Variants in ST7L observed in about 807,000 individuals in gnomAD.
The protein encoded by ST7L is suppression of tumorigenicity 7 like, also known as suppressor of tumorigenicity 7 protein-like.
Under a neutral mutation model 72.5 loss-of-function variants are expected in ST7L, and 57 were observed. The ratio of observed to expected loss-of-function variants is 0.79; its 90% confidence interval spans 0.64 to 0.98. The LOEUF (loss-of-function observed/expected upper bound fraction) is 0.98. Among genes scored for constraint, ST7L ranks in the 50% least tolerant of loss-of-function variants. The probability of loss-of-function intolerance (pLI) is 0.00; values close to 1 mark genes in which losing one functional copy is unlikely to be tolerated. For missense variants in ST7L, 576 were observed against 672.2 expected, an observed-to-expected ratio of 0.86 and a Z score of 1.58; for synonymous variants, 221 against 240.9, an observed-to-expected ratio of 0.92 and a Z score of 0.77.
intron 1 of ST7L, chr1:112,618,114 C>T (rs879492187): frequency 3.9e-6 from 5 of 1,297,864 alleles, no homozygotes; most frequent in Non-Finnish European, 5.1e-6. Context: ...ATATCTTGTT[C>T]TGAGGTTGCT....
chr1:112,614,226 G>A (rs1669504503), intron 2 of ST7L, among the ~76,000 whole-genome samples: 1 of 135,282 alleles, frequency 7.4e-6, no homozygotes, highest in Non-Finnish European at 1.6e-5. Context: ...GCTTAATATT[G>A]ATAGTTTCTT....
intron 13 of ST7L, among the ~76,000 whole-genome samples, chr1:112,545,926 G>A (rs759571603): frequency 1.8e-4 from 28 of 152,228 alleles, no homozygotes; most frequent in Admixed American, 3.3e-4. Flanking sequence ...TATGAGGACC[G>A]CTGGCAATTT....
intron 14 of ST7L, chr1:112,528,346 T>A (rs1653796365): frequency 6.6e-6 from 1 of 152,162 alleles, no homozygotes; most frequent in Admixed American, 6.5e-5. Flanking sequence ...AGATCAGGGC[T>A]TAAATAATGT....
At chr1:112,549,517 G>C (rs983186773) in intron 13 of ST7L, among the ~76,000 whole-genome samples, 1 of 151,628 alleles carries the variant, frequency 6.6e-6, no homozygotes, top group Non-Finnish European at 1.5e-5. Context: ...AATTTCTTTC[G>C]TTAAATTTAT....
chr1:112,552,563 C>G (rs1658404224), intron 12 of ST7L, among the ~76,000 whole-genome samples: 1 of 152,116 alleles, frequency 6.6e-6, no homozygotes, highest in Non-Finnish European at 1.5e-5. Context: ...CGCCACTATG[C>G]CCGGCTAATT....
intron 10 of ST7L, among the ~76,000 whole-genome samples, chr1:112,577,929 G>T (rs1428267554): frequency 1.3e-5 from 2 of 152,146 alleles, no homozygotes; most frequent in African/African-American, 2.4e-5. Flanking sequence ...TATACTCTAA[G>T]AAGAGATAAC....
At chr1:112,540,096 T>A (rs1270362278) in intron 14 of ST7L, 1 of 985,312 alleles carries the variant, frequency 1.0e-6, no homozygotes, top group Non-Finnish European at 1.2e-6. Context: ...AGTGACTGCC[T>A]AGGTAAAGGC....
intron 7 of ST7L, among the ~76,000 whole-genome samples, 180 bp from the exon 8 acceptor site, chr1:112,582,652 G>T (rs935368895): frequency 6.6e-6 from 1 of 152,048 alleles, no homozygotes; most frequent in Non-Finnish European, 1.5e-5. Flanking sequence ...GAACAGGAGT[G>T]TTCTCTATTT....
At chr1:112,590,983 T>C (rs1435615776) in intron 6 of ST7L, among the ~76,000 whole-genome samples, 1 of 146,652 alleles carries the variant, frequency 6.8e-6, no homozygotes, top group Non-Finnish European at 1.5e-5. Context: ...CAAGCTGGAG[T>C]GCAGTGGCAT....
chr1:112,528,571 C>A (rs1653839368), intron 14 of ST7L: 1 of 152,180 alleles, frequency 6.6e-6, no homozygotes, highest in South Asian at 2.1e-4. Context: ...ATTTGAGATT[C>A]TGGGCTAAGT....
intron 13 of ST7L, among the ~76,000 whole-genome samples, chr1:112,542,505 C>T (rs1186790912): frequency 3.9e-5 from 6 of 152,132 alleles, no homozygotes; most frequent in Non-Finnish European, 8.8e-5. Context: ...CGTCTGTAAT[C>T]CCAGCGCTTT....
intron 11 of ST7L, among the ~76,000 whole-genome samples, chr1:112,563,228 C>A (rs1048276085): frequency 1.3e-5 from 2 of 151,906 alleles, no homozygotes; most frequent in African/African-American, 4.8e-5. Flanking sequence ...TATGAGTTGG[C>A]AATTTGGAAA....
At chr1:112,536,363 A>ATT (rs1655203482) in intron 14 of ST7L, among the ~76,000 whole-genome samples, 1 of 152,046 alleles carries the variant, frequency 6.6e-6, no homozygotes, top group Non-Finnish European at 1.5e-5. Flanking sequence ...AAAAACATAT[A>ATT]TTTTTCAATT....
At chr1:112,571,869 G>C (rs1662206266) in intron 11 of ST7L, among the ~76,000 whole-genome samples, 1 of 152,040 alleles carries the variant, frequency 6.6e-6, no homozygotes, top group African/African-American at 2.4e-5. Context: ...CAAATTTTTT[G>C]GTTTCCCATG....
rs1340874471 is a variant in ST7L at position 112,541,965 on chromosome 1, T to A, written c.1615A>T (p.Ile539Phe). 1.2e-6 allele frequency: 2 copies of A among 1,613,730 alleles called. No homozygotes were observed. The highest frequency in any genetic ancestry group is 1.7e-6 in the Non-Finnish European group (2 of 1,179,886). The change falls in exon 14 of 15, where the codon ATT becomes TTT. Residue 539 changes from isoleucine to phenylalanine, a missense_variant. Around this residue, in one of 3 missense-constraint regions of ST7L, gnomAD observed 511 missense variants for 600.7 expected, o/e 0.85. Coordinates refer to ENST00000358039, the MANE Select transcript of ST7L (RefSeq NM_017744.5). Reference sequence around the variant, plus strand: ...ATCATACTTACAGCTTTAGCAAAAATACCCATGATTTCAGGAAACTGGTGA... The same window carrying A: ...ATCATACTTACAGCTTTAGCAAAAAAACCCATGATTTCAGGAAACTGGTGA... ...LTHQFPEIMG[I>F]FAKAVLGLWC...
intron 11 of ST7L, among the ~76,000 whole-genome samples, chr1:112,567,169 G>A (rs566908257): frequency 8.5e-4 from 130 of 152,208 alleles, no homozygotes; most frequent in African/African-American, 3.0e-3. Flanking sequence ...ATTACTTCAT[G>A]ACTTTATATT....
intron 12 of ST7L, among the ~76,000 whole-genome samples, chr1:112,551,138 CTTTTTTTTTTTTT>C (rs567601091): frequency 7.8e-5 from 6 of 77,208 alleles, no homozygotes; most frequent in South Asian, 4.4e-4. Context: ...ATGAGCAGAT[CTTTTTTTTTTTTT>C]TTTTTTTTTT....
chr1:112,576,340 C>T (rs577419521), intron 11 of ST7L, among the ~76,000 whole-genome samples: 20 of 152,314 alleles, frequency 1.3e-4, no homozygotes, highest in Non-Finnish European at 2.8e-4. Flanking sequence ...AATCCTCCCA[C>T]CTCGGCCTCC....
At chr1:112,550,877 G>T (rs931465146) in intron 12 of ST7L, among the ~76,000 whole-genome samples, 184 bp from the exon 13 acceptor site, 4 of 152,110 alleles carry the variant, frequency 2.6e-5, no homozygotes, top group African/African-American at 4.8e-5. Flanking sequence ...AGATAATAGT[G>T]AATGGTCTAG....
Sources: allele counts gnomAD v4.1 joint callset (sites outside exome capture counted in the v4.1 genomes callset), GRCh38; gene constraint gnomAD v4.1.1; regional missense constraint gnomAD v4.1.1; transcripts MANE v1.5; gene names NCBI Gene and HGNC (gene_info 2026-07-23, HGNC 2026-07-21).